CAMKMT: variants seen among roughly 807,000 people sequenced by gnomAD.
CAMKMT encodes the protein calmodulin-lysine N-methyltransferase.
In CAMKMT, 53 loss-of-function variants were observed where a neutral mutation model predicts 48.0. The observed-to-expected ratio is 1.10, with a 90% CI of 0.89 to 1.39. CAMKMT has a LOEUF of 1.39. Among genes scored for constraint, CAMKMT ranks in the 40% most tolerant of loss-of-function variants. The pLI is 0.00. For missense variants in CAMKMT, 428 were observed against 402.7 expected, an observed-to-expected ratio of 1.06 and a Z score of -0.54; for synonymous variants, 165 against 152.3, an observed-to-expected ratio of 1.08 and a Z score of -0.61.
intron 3 of CAMKMT, among the ~76,000 whole-genome samples, chr2:44,483,488 A>G (rs549564831): frequency 3.6e-4 from 55 of 152,206 alleles, no homozygotes; most frequent in African/African-American, 1.1e-3. Context: ...CTGTTTAGAG[A>G]GTGTATATGA....
intron 3 of CAMKMT, among the ~76,000 whole-genome samples, chr2:44,590,249 G>A (rs564073232): frequency 6.6e-6 from 1 of 152,096 alleles, no homozygotes; most frequent in Non-Finnish European, 1.5e-5. Context: ...TCTGGTTTTT[G>A]TATTGGAGTA....
rs545660628 is a variant in CAMKMT at position 44,519,717 on chromosome 2, G to T, written c.376+129412G>T. ...ACGTTACTAAAAAGTTTTACTATGT[G>T]CCGGGCACTGTGCTTCAAACTCAAC... On this transcript the variant is annotated intron_variant, in intron 3 of 10. Transcript: ENST00000378494. Among the ~76,000 whole-genome samples, 291 of 152,260 alleles carry T rather than the reference G, an allele frequency of 1.9e-3. 1 individual carries two copies. The highest frequency in any genetic ancestry group is 2.8e-3 in the Non-Finnish European group (192 of 68,022).
intron 3 of CAMKMT, among the ~76,000 whole-genome samples, chr2:44,496,318 A>G (rs1031285528): frequency 1.3e-5 from 2 of 152,226 alleles, no homozygotes; most frequent in Non-Finnish European, 1.5e-5. Flanking sequence ...AATATTGTCA[A>G]TACTTGAATA....
At chr2:44,674,707 T>C (rs1258207322) in intron 3 of CAMKMT, among the ~76,000 whole-genome samples, 4 of 152,154 alleles carry the variant, frequency 2.6e-5, no homozygotes, top group Non-Finnish European at 4.4e-5. Context: ...TTACATTGAG[T>C]TTGAAATGCT....
chr2:44,552,894 T>G (rs1290336152), intron 3 of CAMKMT, among the ~76,000 whole-genome samples: 1 of 152,144 alleles, frequency 6.6e-6, no homozygotes, highest in Non-Finnish European at 1.5e-5. Flanking sequence ...CCTGATAATC[T>G]TTGGACAAAT....
At chr2:44,734,668 C>T (rs575683125) in intron 7 of CAMKMT, among the ~76,000 whole-genome samples, 24 of 152,254 alleles carry the variant, frequency 1.6e-4, no homozygotes, top group African/African-American at 5.5e-4. Context: ...CCCCCTCAGC[C>T]TCCCAAAGTG....
chr2:44,563,336 A>T (rs191036228), intron 3 of CAMKMT, among the ~76,000 whole-genome samples: 1 of 151,734 alleles, frequency 6.6e-6, no homozygotes, highest in African/African-American at 2.4e-5. Context: ...TTTCAGTGTG[A>T]TTAAATTTTC....
intron 3 of CAMKMT, among the ~76,000 whole-genome samples, chr2:44,409,030 C>G (rs1157613994): frequency 6.6e-6 from 1 of 150,824 alleles, no homozygotes; most frequent in Non-Finnish European, 1.5e-5. Context: ...GCATGAGCCA[C>G]CGCACCCAGC....
intron 3 of CAMKMT, among the ~76,000 whole-genome samples, chr2:44,520,576 A>G (rs553032018): frequency 8.5e-4 from 129 of 152,334 alleles, no homozygotes; most frequent in African/African-American, 2.9e-3. Context: ...TTCAAATGCA[A>G]CATGATACAA....
At chr2:44,688,301 A>G (rs560015543) in intron 3 of CAMKMT, among the ~76,000 whole-genome samples, 1 of 152,308 alleles carries the variant, frequency 6.6e-6, no homozygotes, top group African/African-American at 2.4e-5. Flanking sequence ...GCTTAGCACT[A>G]CATTTCCACA....
intron 6 of CAMKMT, among the ~76,000 whole-genome samples, chr2:44,714,909 A>G (rs1215813035): frequency 3.3e-5 from 5 of 152,142 alleles, no homozygotes; most frequent in African/African-American, 1.2e-4. Flanking sequence ...TGATAAAAAG[A>G]TTGGCCAGGC....
At chr2:44,567,774 G>A (rs1371239045) in intron 3 of CAMKMT, among the ~76,000 whole-genome samples, 3 of 152,066 alleles carry the variant, frequency 2.0e-5, no homozygotes, top group African/African-American at 7.2e-5. Context: ...CAAAATTTGG[G>A]AGCCAAACTA....
At chr2:44,633,277 T>C (rs999025999) in intron 3 of CAMKMT, among the ~76,000 whole-genome samples, 2 of 152,202 alleles carry the variant, frequency 1.3e-5, no homozygotes, top group Non-Finnish European at 1.5e-5. Flanking sequence ...TTGTGTTTAC[T>C]CTGCTTTGGG....
In CAMKMT at chr2:44,723,739, C is replaced by G. The variant is rs1169424068; in HGVS notation, c.623+8386C>G. On this transcript the variant is annotated intron_variant, in intron 7 of 10. Transcript: ENST00000378494. The stretch of plus-strand genomic sequence containing the variant: ...TTGCTTATTTCGTAGATGTTATGCA[C>G]TTACAAGAAAGGAAAGGACCTGACT... 3 of 152,130 alleles carry G rather than the reference C, an allele frequency of 2.0e-5. No homozygotes were observed. The South Asian group carries it at 6.2e-4, about 31-fold the overall frequency. 9.4% of individuals were successfully genotyped at this position (152,130 alleles called of 1,614,324 possible).
intron 9 of CAMKMT, among the ~76,000 whole-genome samples, chr2:44,760,534 C>G (rs1680572992): frequency 6.6e-6 from 1 of 151,052 alleles, no homozygotes; most frequent in Non-Finnish European, 1.5e-5. Flanking sequence ...TGGTGTGAAC[C>G]CGGGAGGTGG....
chr2:44,389,558 T>C (rs1416936302), intron 2 of CAMKMT, among the ~76,000 whole-genome samples: 2 of 150,542 alleles, frequency 1.3e-5, no homozygotes, highest in Non-Finnish European at 3.0e-5. Flanking sequence ...TTAGCACTAA[T>C]TTTTTTTTTC....
chr2:44,764,618 G>A (rs1017878326), intron 9 of CAMKMT, among the ~76,000 whole-genome samples: 2 of 152,130 alleles, frequency 1.3e-5, no homozygotes, highest in Admixed American at 1.3e-4. Context: ...AGGTGACACC[G>A]CTGTTTAATG....
chr2:44,427,801 T>C (rs75403329), intron 3 of CAMKMT, among the ~76,000 whole-genome samples: 2,975 of 152,268 alleles, frequency 0.02, 114 homozygotes, highest in African/African-American at 0.068. Context: ...TATATTTTTC[T>C]GCTTGGTAAA....
At chr2:44,485,866 A>T (rs924307169) in intron 3 of CAMKMT, among the ~76,000 whole-genome samples, 7 of 152,214 alleles carry the variant, frequency 4.6e-5, no homozygotes, top group African/African-American at 1.7e-4. Context: ...GATAATGCTT[A>T]CCTCTGGGGA....
Sources: allele counts gnomAD v4.1 joint callset (sites outside exome capture counted in the v4.1 genomes callset), GRCh38; gene constraint gnomAD v4.1.1; transcripts MANE v1.5; gene names NCBI Gene and HGNC (gene_info 2026-07-23, HGNC 2026-07-21).